The following FRYL variants were observed in gnomAD, a reference collection of about 807,000 sequenced individuals.
FRYL encodes protein furry homolog-like.
A neutral mutation model predicts 351.2 loss-of-function variants in FRYL; 150 were observed. That is an observed-to-expected ratio of 0.43 (90% CI 0.37 to 0.49). The LOEUF (loss-of-function observed/expected upper bound fraction) is 0.49, where lower values mean the gene tolerates loss of function less well. Ranked by LOEUF, FRYL falls within the 20% of genes least tolerant of loss-of-function variation. The pLI is 0.00. For missense variants in FRYL, 3,036 were observed against 3,619.3 expected (o/e 0.84, Z 4.13); for synonymous variants, 1,153 against 1,257.1 (o/e 0.92, Z 1.75).
At chr4:48,632,091 A>AATATATATATATATAT (rs1560753223) in intron 4 of FRYL, among the ~76,000 whole-genome samples, 23 of 23,362 alleles carry the variant, frequency 9.8e-4, no homozygotes, top group East Asian at 2.0e-3. Flanking sequence ...AAAAAAAAAA[A>AATATATATATATATAT]ATATATATAT....
intron 1 of FRYL, among the ~76,000 whole-genome samples, chr4:48,758,929 T>C (rs1176760320): frequency 3.3e-5 from 5 of 152,050 alleles, no homozygotes; most frequent in Non-Finnish European, 1.5e-5. Context: ...ATGTCCTTTG[T>C]AGGGACATGG....
rs1241482292 is a variant in FRYL, at chr4:48,624,399, T to TA, written c.121-1221dup. ...CAACCACTGAGTCCAGGGGGCATAATAGATACTAAAGTCTCTCTACCATCT... is the reference window on the plus strand; with the variant it reads ...CAACCACTGAGTCCAGGGGGCATAATAAGATACTAAAGTCTCTCTACCATCT... On this transcript the variant is annotated intron_variant, in intron 4 of 63. Coordinates refer to ENST00000358350, the MANE Select transcript of FRYL (RefSeq NM_015030.2). Among the ~76,000 whole-genome samples the TA allele has an allele frequency of 5.3e-5, 8 of 152,266 alleles. 1 individual carries two copies. The South Asian group carries it at 1.2e-3, about 24-fold the overall frequency.
In FRYL at chr4:48,671,910, G is replaced by C. The variant is rs529614308; in HGVS notation, c.-81+12763C>G. Among the ~76,000 whole-genome samples, 47 of 125,672 alleles carry C rather than the reference G, an allele frequency of 3.7e-4. No homozygotes were observed. In the South Asian group the frequency reaches 7.0e-3, roughly 19 times the overall value. 82.4% of individuals were successfully genotyped at this position (125,672 alleles called of 152,430 possible). ...AAAAAAAGAAGGAAAGACAGAAAAA[G>C]GTGCTCTGTTTCAAGCCCCATTAAC... On this transcript the variant is annotated intron_variant, in intron 3 of 63. Transcript: ENST00000358350.
intron 33 of FRYL, among the ~76,000 whole-genome samples, chr4:48,559,952 C>A (rs1735092647): frequency 6.6e-6 from 1 of 152,074 alleles, no homozygotes. Flanking sequence ...TGGAAGGTAC[C>A]TGGTGAGGCT....
At chr4:48,583,669 A>T (rs1325939810) in intron 19 of FRYL, among the ~76,000 whole-genome samples, 1 of 151,920 alleles carries the variant, frequency 6.6e-6, no homozygotes, top group Admixed American at 6.6e-5. Context: ...TTGGGAGGCC[A>T]GGGCAGGTGA....
rs898060589 is a variant in FRYL at position 48,546,278 on chromosome 4, G to A, written c.5075-7C>T. 6.2e-7 allele frequency: 1 copy of A among 1,602,812 alleles called. No individual in the cohort carries two copies. Among genetic ancestry groups the A allele is most frequent in the Non-Finnish European group, 8.5e-7 (1 of 1,170,268 alleles). ...ATAAAATCGTTAATGCCTGCTGAAA[G>A]AGAAAGATCGTCATGAATACCTAAA... On this transcript the variant is annotated splice_polypyrimidine_tract_variant and splice_region_variant and intron_variant, in intron 41 of 63. Transcript: ENST00000358350.
At chr4:48,558,723 C>T (rs532738400) in intron 33 of FRYL, among the ~76,000 whole-genome samples, 12 of 152,272 alleles carry the variant, frequency 7.9e-5, no homozygotes, top group South Asian at 6.2e-4. Flanking sequence ...CTATGATGTG[C>T]CTGTTACTTT....
At position 48,708,308 on chromosome 4, in the gene FRYL, A is replaced by AAT. The variant is rs1560294248; in HGVS notation, c.-204+2210_-204+2211insAT. ...AAAATAAATAAATAAATAAATAAAT[A>AAT]AAAATAAAATTAGCCAGGCATGGTA... On this transcript the variant is annotated intron_variant, in intron 2 of 63. Coordinates refer to ENST00000358350, the MANE Select transcript of FRYL (RefSeq NM_015030.2). Among the ~76,000 whole-genome samples the AAT allele has an allele frequency of 1.5e-3, 4 of 2,672 alleles. No homozygotes were observed. The East Asian group carries it at 0.023, about 15-fold the overall frequency. The allele number at this position is 2,672 out of a possible 152,430, so 1.8% of individuals were successfully genotyped here. A position where few individuals can be genotyped will look rare whatever the true frequency, so the allele number is the denominator to read the frequency against.
At chr4:48,619,446 C>T (rs529341155) in intron 6 of FRYL, 76 bp from the exon 7 acceptor site, 32 of 725,978 alleles carry the variant, frequency 4.4e-5, no homozygotes, top group Admixed American at 1.8e-4. Flanking sequence ...TAGCTCATGT[C>T]GCTTACTGTT....
rs1209381642 is a variant in FRYL at position 48,606,485 on chromosome 4, T to G, written c.694A>C (p.Lys232Gln). Residue 232 changes from lysine (K) to glutamine (Q), a missense_variant, in exon 10 of 64, where the codon AAA becomes CAA. Transcript: ENST00000358350. Reference protein sequence around the residue: ...LIMGMKFFRVKMYPVEDFEAS... With the variant: ...LIMGMKFFRVQMYPVEDFEAS... ...TCAAAATCTTCTACAGGATACATTT[T>G]TACTCGAAAAAATTTCATTCCCATT... 3 of 1,612,882 alleles carry G rather than the reference T, an allele frequency of 1.9e-6. No homozygotes were observed. The highest frequency in any genetic ancestry group is 2.5e-6 in the Non-Finnish European group (3 of 1,179,096).
intron 1 of FRYL, among the ~76,000 whole-genome samples, chr4:48,767,656 C>A (rs745886874): frequency 9.9e-5 from 15 of 152,052 alleles, no homozygotes; most frequent in Non-Finnish European, 2.9e-5. Flanking sequence ...GTTGCCAGAA[C>A]CAGTGGGTGG....
chr4:48,592,729 A>AC (rs1348687419), intron 16 of FRYL, among the ~76,000 whole-genome samples: 10 of 152,268 alleles, frequency 6.6e-5, no homozygotes, highest in African/African-American at 2.4e-4. Flanking sequence ...GGATACATGT[A>AC]CCCCCAACAA....
At position 48,547,079 on chromosome 4, in the gene FRYL, G is replaced by T. The variant is rs146763662; in HGVS notation, c.5074+505C>A. Among the ~76,000 whole-genome samples the T allele has an allele frequency of 4.3e-3, 650 of 152,070 alleles. 7 individuals carry two copies. Among genetic ancestry groups the T allele is most frequent in the African/African-American group, 0.014 (585 of 41,514 alleles). On this transcript the variant is annotated intron_variant, in intron 41 of 63. Transcript: ENST00000358350. ...ATGAATGAAAGAAATGTTAGTTATAGGATATAAGAAAATATACCTTAAAAG... is the reference window on the plus strand; with the variant it reads ...ATGAATGAAAGAAATGTTAGTTATATGATATAAGAAAATATACCTTAAAAG...
intron 4 of FRYL, among the ~76,000 whole-genome samples, chr4:48,626,868 A>G (rs1397778213): frequency 6.6e-6 from 1 of 152,098 alleles, no homozygotes; most frequent in Non-Finnish European, 1.5e-5. Flanking sequence ...AAAATTCCCA[A>G]TCTAACTTAA....
intron 2 of FRYL, among the ~76,000 whole-genome samples, chr4:48,708,725 T>C (rs1427278964): frequency 5.3e-5 from 8 of 152,056 alleles, no homozygotes; most frequent in Non-Finnish European, 1.2e-4. Context: ...CCCAAGTATC[T>C]GGGACTAAAG....
intron 16 of FRYL, among the ~76,000 whole-genome samples, chr4:48,592,114 ATTT>A (rs1553942042): frequency 2.9e-5 from 4 of 136,868 alleles, no homozygotes; most frequent in East Asian, 2.1e-4. Context: ...ATATATATAT[ATTT>A]TATCTAAGTA....
chr4:48,760,821 C>T (rs1376687170), intron 1 of FRYL, among the ~76,000 whole-genome samples: 1 of 152,068 alleles, frequency 6.6e-6, no homozygotes, highest in East Asian at 1.9e-4. Context: ...GGACTACAGT[C>T]GTGCACAACC....
chr4:48,540,089 A>G (rs745855385), intron 46 of FRYL, 21 bp from the exon 47 acceptor site: 1 of 1,558,876 alleles, frequency 6.4e-7, no homozygotes, highest in Non-Finnish European at 8.8e-7. Context: ...AAAAAAAAGC[A>G]AACAATAACC....
chr4:48,589,286 T>C (rs1742774697), intron 18 of FRYL, among the ~76,000 whole-genome samples: 1 of 151,564 alleles, frequency 6.6e-6, no homozygotes, highest in Non-Finnish European at 1.5e-5. Flanking sequence ...TGGGATGAGG[T>C]AGTGTTTCGA....
Sources: allele counts gnomAD v4.1 joint callset (sites outside exome capture counted in the v4.1 genomes callset), GRCh38; gene constraint gnomAD v4.1.1; transcripts MANE v1.5; gene names NCBI Gene and HGNC (gene_info 2026-07-23, HGNC 2026-07-21).